Variants in ADAP1 observed in about 807,000 individuals in gnomAD.
ADAP1 encodes the protein ArfGAP with dual PH domains 1.
ADAP1 carries 31 observed loss-of-function variants against 54.9 expected under a neutral mutation model. That is an observed-to-expected ratio of 0.56 (90% CI 0.42 to 0.76). The LOEUF (loss-of-function observed/expected upper bound fraction) is 0.76, where lower values mean the gene tolerates loss of function less well. ADAP1 is among the 30% of genes least tolerant of loss of function. The probability of loss-of-function intolerance (pLI) is 0.00; values close to 1 mark genes in which losing one functional copy is unlikely to be tolerated. For missense variants in ADAP1, 535 were observed against 512.4 expected (o/e 1.04, Z -0.42); for synonymous variants, 313 against 202.6 (o/e 1.55, Z -4.63).
chr7:950,063 C>T (rs958490483), intron 1 of ADAP1, among the ~76,000 whole-genome samples: 7 of 152,370 alleles, frequency 4.6e-5, no homozygotes, highest in East Asian at 1.9e-4. Flanking sequence ...TGCAGACAAA[C>T]GGGCACACGC....
intron 2 of ADAP1, among the ~76,000 whole-genome samples, chr7:929,479 G>C (rs191637440): frequency 1.3e-4 from 19 of 149,194 alleles, no homozygotes; most frequent in Non-Finnish European, 1.8e-4. Context: ...CTGGGAGTTC[G>C]GGACCAGCTT....
chr7:921,306 G>A (rs545631739), intron 3 of ADAP1, among the ~76,000 whole-genome samples: 5 of 152,280 alleles, frequency 3.3e-5, no homozygotes, highest in South Asian at 2.1e-4. Context: ...TTAACCTGAA[G>A]ACATCTGCAA....
intron 2 of ADAP1, chr7:927,403 G>A (rs548368435): frequency 4.3e-4 from 220 of 514,330 alleles, no homozygotes; most frequent in African/African-American, 3.0e-3. Flanking sequence ...CACACCCCAC[G>A]CCAGCCCCGA....
Position 899,064 on chromosome 7 carries a change from C to G in ADAP1, c.1065G>C (p.Val355=). The G allele has an allele frequency of 1.9e-6, 3 of 1,608,628 alleles. No individual in the cohort carries two copies. Among genetic ancestry groups the G allele is most frequent in the Non-Finnish European group, 2.5e-6 (3 of 1,179,918 alleles). The stretch of plus-strand genomic sequence containing the variant: ...ACTCCTGGGGCAGCATGGGCCTGTC[C>G]ACCGCCTTCTGGAAGGCCGCCACCC... ...REWVAAFQKA[V]DRPMLPQEYA... The change falls in exon 10 of 11, where the codon GTG becomes GTC. Residue 355 remains valine, a synonymous_variant. Coordinates refer to ENST00000265846, the MANE Select transcript of ADAP1 (RefSeq NM_006869.4).
chr7:918,595 C>T (rs1182837662), intron 4 of ADAP1, among the ~76,000 whole-genome samples: 1 of 152,166 alleles, frequency 6.6e-6, no homozygotes, highest in African/African-American at 2.4e-5. Context: ...CTGGGGGCTG[C>T]TTCCTTCCTC....
At chr7:907,202 G>T (rs549068739) in intron 4 of ADAP1, among the ~76,000 whole-genome samples, 1 of 152,182 alleles carries the variant, frequency 6.6e-6, no homozygotes, top group Admixed American at 6.5e-5. Context: ...AAAGTAGCCC[G>T]GGCATCCCCC....
Position 954,612 on chromosome 7 carries a change from T to C in ADAP1, c.-135A>G, listed in dbSNP as rs1415736057. On this transcript the variant is annotated 5_prime_UTR_variant, in exon 1 of 11. Coordinates refer to ENST00000265846, the MANE Select transcript of ADAP1 (RefSeq NM_006869.4). ...GGGCGGCCTCAGCCCGCGCGCCGGT[T>C]CCGCATTCCCGCCGCCCTCTGGGCT... 6.1e-6 allele frequency: 6 copies of C among 981,848 alleles called. No homozygotes were observed. The highest frequency in any genetic ancestry group is 7.2e-6 in the Non-Finnish European group (6 of 828,964). 60.8% of individuals were successfully genotyped at this position (981,848 alleles called of 1,614,324 possible).
chr7:953,764 A>C (rs1053138234), intron 1 of ADAP1, among the ~76,000 whole-genome samples: 1 of 152,188 alleles, frequency 6.6e-6, no homozygotes, highest in Non-Finnish European at 1.5e-5. Flanking sequence ...AGACCTGGGA[A>C]CCGAGTCAGG....
At chr7:909,195 T>A (rs1583142022) in intron 4 of ADAP1, among the ~76,000 whole-genome samples, 2 of 81,684 alleles carry the variant, frequency 2.4e-5, no homozygotes, top group East Asian at 6.5e-4. Context: ...ACCCCGGACC[T>A]CCCGACAGCA....
intron 6 of ADAP1, chr7:901,086 T>C: frequency 2.1e-6 from 1 of 468,008 alleles, no homozygotes; most frequent in African/African-American, 2.0e-5. Flanking sequence ...CTTGGAGCTG[T>C]GGCCCCTACC....
chr7:927,030 C>G, intron 2 of ADAP1: 3 of 1,257,916 alleles, frequency 2.4e-6, no homozygotes, highest in Non-Finnish European at 3.1e-6. Flanking sequence ...CGAGGGCTTC[C>G]TCGTTCACCC....
At position 926,466 on chromosome 7, in the gene ADAP1, A is replaced by G; in HGVS notation, c.305+87T>C. The stretch of plus-strand genomic sequence containing the variant: ...TCCCCGACCCTGTGGGCGGCACCCA[A>G]CTCCCCACCCTGCCGGGTCCTCCCG... On this transcript the variant is annotated intron_variant, in intron 3 of 10. Transcript: ENST00000265846. The surrounding 1 kb of genome is among the most constrained non-coding windows in gnomAD (Gnocchi z 4.6). 1 of 1,212,784 alleles carries G rather than the reference A, an allele frequency of 8.2e-7. No individual in the cohort carries two copies. The highest frequency in any genetic ancestry group is 1.1e-6 in the Non-Finnish European group (1 of 898,518). 75.1% of individuals were successfully genotyped at this position (1,212,784 alleles called of 1,614,324 possible). A position where few individuals can be genotyped will look rare whatever the true frequency, so the allele number is the denominator to read the frequency against.
chr7:910,021 C>T (rs568253546), intron 4 of ADAP1, among the ~76,000 whole-genome samples: 2 of 152,304 alleles, frequency 1.3e-5, no homozygotes, highest in South Asian at 4.1e-4. Flanking sequence ...GCAGGAAAGA[C>T]GTTCAGCATC....
rs1371029786 is a variant in ADAP1, at chr7:926,672, G to A, written c.214-28C>T. The A allele has an allele frequency of 1.3e-6, 2 of 1,521,940 alleles. No individual in the cohort carries two copies. Among genetic ancestry groups the A allele is most frequent in the East Asian group, 2.6e-5 (1 of 38,902 alleles). 94.3% of individuals were successfully genotyped at this position (1,521,940 alleles called of 1,614,324 possible). ...GCAAGAGAGGAGGGGCCGGGTCAGA[G>A]GCCTGGGGTCCCAGGGGCAGCCTAG... On this transcript the variant is annotated intron_variant, in intron 2 of 10. Coordinates refer to ENST00000265846, the MANE Select transcript of ADAP1 (RefSeq NM_006869.4). This position sits in a 1 kb window ranked among gnomAD's most constrained non-coding sequence, Gnocchi z 4.6.
rs1237588548 is a variant in ADAP1 at position 934,312 on chromosome 7, G to A, written c.213+1063C>T. Among the ~76,000 whole-genome samples the A allele has an allele frequency of 6.6e-5, 10 of 150,418 alleles. 1 individual carries two copies. Among genetic ancestry groups the A allele is most frequent in the African/African-American group, 1.2e-4 (5 of 40,502 alleles). On this transcript the variant is annotated intron_variant, in intron 2 of 10. Transcript: ENST00000265846. ...CAGTGGTGCTGGAGAGCCGGGAGCC[G>A]GGGTCAGTGGTGCTGGAGAACCAGG...
At chr7:905,887 A>AGG (rs1297066309) in intron 4 of ADAP1, among the ~76,000 whole-genome samples, 3 of 19,990 alleles carry the variant, frequency 1.5e-4, no homozygotes, top group Non-Finnish European at 3.2e-4. Flanking sequence ...GAAAGGAGAA[A>AGG]GGAGAAAGGA....
rs1844620188 is a variant in ADAP1 at position 898,607 on chromosome 7, G to C, written c.*314C>G. On this transcript the variant is annotated 3_prime_UTR_variant, in exon 11 of 11. Coordinates refer to ENST00000265846, the MANE Select transcript of ADAP1 (RefSeq NM_006869.4). ...CAGCCGTGGTGGGCGGCTCCTGGGG[G>C]CTGTGTCTGAGCTCGGGAGCCAGAC... The C allele has an allele frequency of 2.2e-6, 1 of 456,602 alleles. No individual in the cohort carries two copies. Among genetic ancestry groups the C allele is most frequent in the African/African-American group, 2.0e-5 (1 of 50,324 alleles). 28.3% of individuals were successfully genotyped at this position (456,602 alleles called of 1,614,324 possible).
At chr7:912,979 G>GCTGGCCAGGACA (rs202174634) in intron 4 of ADAP1, among the ~76,000 whole-genome samples, 1,649 of 152,230 alleles carry the variant, frequency 0.011, 27 homozygotes, top group African/African-American at 0.038. Flanking sequence ...GTCCTGAGTA[G>GCTGGCCAGGACA]CTGGGACCAT....
In ADAP1 at chr7:904,283, G is replaced by A. The variant is rs761176865; in HGVS notation, c.502-11C>T. 3.2e-6 allele frequency: 5 copies of A among 1,580,406 alleles called. No individual in the cohort carries two copies. Among genetic ancestry groups the A allele is most frequent in the African/African-American group, 2.7e-5 (2 of 74,156 alleles). On this transcript the variant is annotated splice_polypyrimidine_tract_variant and intron_variant, in intron 5 of 10. Coordinates refer to ENST00000265846, the MANE Select transcript of ADAP1 (RefSeq NM_006869.4). Reference sequence around the variant, plus strand: ...CTTGGGCTCCTTGGCCTGAGAAGGGGTGGGGTCTAAGCACCTCACAGGGGC... The same window carrying A: ...CTTGGGCTCCTTGGCCTGAGAAGGGATGGGGTCTAAGCACCTCACAGGGGC...
Sources: gnomAD v4.1 joint callset for allele counts (sites outside exome capture counted in the v4.1 genomes callset) on GRCh38, gnomAD v4.1.1 for gene constraint, Gnocchi (gnomAD v3.1) non-coding constraint, MANE v1.5 for transcripts, NCBI Gene and HGNC (gene_info 2026-07-23, HGNC 2026-07-21) for gene names.